Variants in EPHA5 observed in about 807,000 individuals in gnomAD.
EPHA5 encodes EPH receptor A5.
A neutral mutation model predicts 105.0 loss-of-function variants in EPHA5; 60 were observed. The observed-to-expected ratio is 0.57, with a 90% CI of 0.46 to 0.71. The LOEUF is 0.71. EPHA5 is among the 30% of genes least tolerant of loss of function. The pLI, the probability that EPHA5 is intolerant of heterozygous loss-of-function variation, is 0.00. For synonymous variants in EPHA5, 513 were observed against 449.1 expected (o/e 1.14, Z -1.80); for missense variants, 1,218 against 1,274.7 (o/e 0.96, Z 0.68).
At chr4:65,402,218 C>T (rs975624401) in intron 8 of EPHA5, among the ~76,000 whole-genome samples, 2 of 152,052 alleles carry the variant, frequency 1.3e-5, no homozygotes, top group Non-Finnish European at 2.9e-5. Flanking sequence ...CCTGAGACCA[C>T]CCCCTCCATG....
intron 5 of EPHA5, among the ~76,000 whole-genome samples, chr4:65,429,961 G>T (rs111538436): frequency 6.6e-6 from 1 of 151,972 alleles, no homozygotes; most frequent in African/African-American, 2.4e-5. Context: ...CAACATGACA[G>T]CCTGGAACTA....
At chr4:65,536,362 G>T (rs12502481) in intron 3 of EPHA5, among the ~76,000 whole-genome samples, 4 of 151,526 alleles carry the variant, frequency 2.6e-5, no homozygotes, top group Admixed American at 2.0e-4. Flanking sequence ...AAAAATCACC[G>T]CATTTAACAA....
At chr4:65,345,483 G>A (rs185679543) in intron 14 of EPHA5, among the ~76,000 whole-genome samples, 1 of 152,364 alleles carries the variant, frequency 6.6e-6, no homozygotes, top group African/African-American at 2.4e-5. Flanking sequence ...GCAAAGAGAA[G>A]GCACTGCTAG....
chr4:65,604,933 G>A (rs967375048), intron 2 of EPHA5, among the ~76,000 whole-genome samples: 66 of 152,130 alleles, frequency 4.3e-4, no homozygotes, highest in Admixed American at 4.1e-3. Flanking sequence ...AATATTTGCT[G>A]ATCCTTCGAT....
chr4:65,560,930 T>A (rs547593132), intron 3 of EPHA5, among the ~76,000 whole-genome samples: 7 of 152,202 alleles, frequency 4.6e-5, no homozygotes, highest in African/African-American at 1.7e-4. Context: ...AGTAACTTTT[T>A]GAGGATCCTC....
At chr4:65,522,213 T>C (rs932257158) in intron 3 of EPHA5, among the ~76,000 whole-genome samples, 12 of 151,636 alleles carry the variant, frequency 7.9e-5, no homozygotes, top group African/African-American at 2.9e-4. Context: ...TTCCTTAAGA[T>C]TACAAGATGG....
At chr4:65,427,328 C>T (rs977021729) in intron 5 of EPHA5, among the ~76,000 whole-genome samples, 4 of 151,116 alleles carry the variant, frequency 2.6e-5, no homozygotes, top group Non-Finnish European at 5.9e-5. Context: ...GGGGTTAAGG[C>T]GCCTGCCACT....
At chr4:65,484,402 G>C (rs1730678583) in intron 5 of EPHA5, among the ~76,000 whole-genome samples, 1 of 152,068 alleles carries the variant, frequency 6.6e-6, no homozygotes, top group Non-Finnish European at 1.5e-5. Context: ...ATTTGGGCAA[G>C]AACTAAGAAA....
intron 3 of EPHA5, among the ~76,000 whole-genome samples, chr4:65,496,716 A>C (rs1731980184): frequency 6.6e-6 from 1 of 152,144 alleles, no homozygotes; most frequent in African/African-American, 2.4e-5. Flanking sequence ...TTAGAGAAGC[A>C]TGATTTACAG....
In EPHA5 at chr4:65,489,311, A is replaced by G. The variant is rs28729237; in HGVS notation, c.1402+1066T>C. Among the ~76,000 whole-genome samples the G allele has an allele frequency of 7.4e-3, 1,121 of 152,228 alleles. 16 individuals are homozygous for G. Among genetic ancestry groups the G allele is most frequent in the African/African-American group, 0.026 (1,080 of 41,542 alleles). On this transcript the variant is annotated intron_variant, in intron 5 of 16. Coordinates refer to ENST00000613740, the MANE Select transcript of EPHA5 (RefSeq NM_001281766.3). ...TTGTAACCAACAGCATTCCCACATCAAGGCTAGCATCCCGCAACCTACAAA... is the reference window on the plus strand; with the variant it reads ...TTGTAACCAACAGCATTCCCACATCGAGGCTAGCATCCCGCAACCTACAAA...
At chr4:65,480,496 C>T (rs1462031483) in intron 5 of EPHA5, among the ~76,000 whole-genome samples, 5 of 152,044 alleles carry the variant, frequency 3.3e-5, no homozygotes, top group Admixed American at 2.0e-4. Context: ...ACGTTCTTCA[C>T]GAAGTTCTCG....
At chr4:65,499,269 CAAAT>C (rs576681027) in intron 3 of EPHA5, among the ~76,000 whole-genome samples, 1 of 151,666 alleles carries the variant, frequency 6.6e-6, no homozygotes, top group Non-Finnish European at 1.5e-5. Context: ...TTCTTCATAT[CAAAT>C]AAAATTATCT....
At chr4:65,582,960 G>A (rs2149400897) in intron 3 of EPHA5, among the ~76,000 whole-genome samples, 1 of 151,618 alleles carries the variant, frequency 6.6e-6, no homozygotes, top group Middle Eastern at 3.4e-3. Flanking sequence ...TTAAATAAGA[G>A]GAGGAGAAAT....
intron 16 of EPHA5, among the ~76,000 whole-genome samples, chr4:65,327,607 A>T (rs557180338): frequency 6.6e-5 from 10 of 151,438 alleles, no homozygotes; most frequent in African/African-American, 2.4e-4. Context: ...ATAATAATGC[A>T]TGCAACGTAC....
At chr4:65,585,268 A>G (rs1056921476) in intron 3 of EPHA5, among the ~76,000 whole-genome samples, 2 of 151,936 alleles carry the variant, frequency 1.3e-5, no homozygotes, top group Non-Finnish European at 2.9e-5. Flanking sequence ...GAGGAGAAAA[A>G]AAGCAGGAGA....
chr4:65,408,335 T>C (rs914160687), intron 7 of EPHA5, among the ~76,000 whole-genome samples: 83 of 152,164 alleles, frequency 5.5e-4, no homozygotes, highest in African/African-American at 1.9e-3. Context: ...TGTTTCTTAT[T>C]TTCTTATGTT....
intron 3 of EPHA5, among the ~76,000 whole-genome samples, chr4:65,557,422 G>T (rs1408017319): frequency 6.6e-6 from 1 of 151,288 alleles, no homozygotes; most frequent in African/African-American, 2.4e-5. Flanking sequence ...AACAAGTATT[G>T]TTTTTATAAT....
chr4:65,600,381 C>A (rs1352147507), intron 3 of EPHA5, among the ~76,000 whole-genome samples: 1 of 151,946 alleles, frequency 6.6e-6, no homozygotes, highest in African/African-American at 2.4e-5. Context: ...TTGTAGCTTG[C>A]ATGGAAAAAC....
intron 2 of EPHA5, among the ~76,000 whole-genome samples, chr4:65,640,752 T>G (rs1268954233): frequency 6.6e-6 from 1 of 152,180 alleles, no homozygotes; most frequent in African/African-American, 2.4e-5. Flanking sequence ...AACCTTCACT[T>G]CCTGCTTGTG....
Sources: gnomAD v4.1 joint callset for allele counts (sites outside exome capture counted in the v4.1 genomes callset) on GRCh38, gnomAD v4.1.1 for gene constraint, MANE v1.5 for transcripts, NCBI Gene and HGNC (gene_info 2026-07-23, HGNC 2026-07-21) for gene names.